The following SLC4A10 variants were observed in gnomAD, a reference collection of about 807,000 sequenced individuals.
SLC4A10 encodes solute carrier family 4 member 10.
SLC4A10 carries 42 observed loss-of-function variants against 137.7 expected under a neutral mutation model. The observed-to-expected ratio is 0.30, with a 90% CI of 0.24 to 0.39. SLC4A10 has a LOEUF of 0.39. Among genes scored for constraint, SLC4A10 ranks in the 10% least tolerant of loss-of-function variants. SLC4A10 has a pLI of 1.00. For missense variants in SLC4A10, 925 were observed against 1,355.0 expected, an observed-to-expected ratio of 0.68 and a Z score of 4.98; for synonymous variants, 474 against 464.1, an observed-to-expected ratio of 1.02 and a Z score of -0.27.
At chr2:161,877,015 AG>A in intron 8 of SLC4A10, among the ~76,000 whole-genome samples, 2 of 152,236 alleles carry the variant, frequency 1.3e-5, no homozygotes, top group Admixed American at 1.3e-4. Context: ...TCTAAATAAC[AG>A]GTATCAATGA....
chr2:161,873,530 C>CAAAAAAAAAAAAAA (rs759717096), intron 7 of SLC4A10, among the ~76,000 whole-genome samples: 1 of 17,326 alleles, frequency 5.8e-5, no homozygotes. Context: ...GACCACATCT[C>CAAAAAAAAAAAAAA]AAAAAAAAAA....
intron 2 of SLC4A10, among the ~76,000 whole-genome samples, chr2:161,802,101 G>A (rs1411431533): frequency 1.3e-5 from 2 of 151,988 alleles, no homozygotes; most frequent in East Asian, 3.9e-4. Flanking sequence ...TCTATAATCA[G>A]GTACTTGAAC....
chr2:161,793,180 G>T (rs143341282), intron 2 of SLC4A10, among the ~76,000 whole-genome samples: 350 of 152,062 alleles, frequency 2.3e-3, no homozygotes, highest in Non-Finnish European at 3.7e-3. Context: ...AGATAAAATT[G>T]TATGTATTTA....
At chr2:161,651,847 C>G (rs2036846403) in intron 1 of SLC4A10, among the ~76,000 whole-genome samples, 1 of 152,132 alleles carries the variant, frequency 6.6e-6, no homozygotes, top group African/African-American at 2.4e-5. Context: ...GGGATCCAGG[C>G]TGGTTGCGCA....
intron 2 of SLC4A10, 79 bp downstream of exon 2, chr2:161,771,133 T>C: frequency 9.4e-7 from 1 of 1,064,466 alleles, no homozygotes. Context: ...TGTCACATTG[T>C]GAAGAATTGC....
intron 1 of SLC4A10, among the ~76,000 whole-genome samples, chr2:161,646,988 G>T (rs2036145653): frequency 1.3e-5 from 2 of 151,968 alleles, no homozygotes; most frequent in South Asian, 4.1e-4. Flanking sequence ...TTCTAAAATA[G>T]GTACTATTCT....
chr2:161,741,658 T>G (rs2047910122), intron 1 of SLC4A10, among the ~76,000 whole-genome samples: 1 of 152,208 alleles, frequency 6.6e-6, no homozygotes, highest in Admixed American at 6.5e-5. Flanking sequence ...TGGCAGGATC[T>G]CCTTTAAATT....
At chr2:161,964,051 T>C (rs1697176169) in intron 21 of SLC4A10, 84 bp from the exon 22 acceptor site, 16 of 1,237,880 alleles carry the variant, frequency 1.3e-5, no homozygotes, top group Admixed American at 2.7e-5. Context: ...TAACCCAAAA[T>C]TGTGGACCAT....
intron 1 of SLC4A10, among the ~76,000 whole-genome samples, chr2:161,680,997 C>T (rs1245535640): frequency 6.6e-6 from 1 of 152,132 alleles, no homozygotes; most frequent in African/African-American, 2.4e-5. Context: ...TGAGATATAA[C>T]TTCAATTTAA....
chr2:161,708,193 C>T (rs2043895308), intron 1 of SLC4A10, among the ~76,000 whole-genome samples: 1 of 151,452 alleles, frequency 6.6e-6, no homozygotes, highest in African/African-American at 2.4e-5. Flanking sequence ...TTTAGGCACT[C>T]ATCATTTTGA....
intron 23 of SLC4A10, among the ~76,000 whole-genome samples, chr2:161,965,979 T>C (rs1559645568): frequency 6.6e-6 from 1 of 152,182 alleles, no homozygotes; most frequent in Non-Finnish European, 1.5e-5. Flanking sequence ...GAAATGAGAT[T>C]GAAATAAAAT....
intron 3 of SLC4A10, among the ~76,000 whole-genome samples, chr2:161,810,691 C>A (rs765734174): frequency 2.6e-5 from 4 of 151,928 alleles, no homozygotes; most frequent in Non-Finnish European, 5.9e-5. Context: ...TATGTCGAAC[C>A]AACCTTGCAT....
chr2:161,832,540 G>C (rs1373300804), intron 3 of SLC4A10, among the ~76,000 whole-genome samples: 1 of 152,184 alleles, frequency 6.6e-6, no homozygotes, highest in East Asian at 1.9e-4. Context: ...GCTCATTAAT[G>C]AGGAGGATTT....
intron 3 of SLC4A10, among the ~76,000 whole-genome samples, chr2:161,821,052 G>A (rs2057575960): frequency 6.6e-6 from 1 of 152,062 alleles, no homozygotes; most frequent in African/African-American, 2.4e-5. Flanking sequence ...GAGTAACTTT[G>A]CATATGCCTT....
chr2:161,634,259 G>C (rs911299375), intron 1 of SLC4A10, among the ~76,000 whole-genome samples: 22 of 151,868 alleles, frequency 1.4e-4, no homozygotes, highest in African/African-American at 5.1e-4. Context: ...TTAGATTGAG[G>C]TTATGCATTG....
intron 3 of SLC4A10, among the ~76,000 whole-genome samples, chr2:161,828,808 A>ATG (rs56676229): frequency 1.6e-5 from 2 of 122,530 alleles, no homozygotes; most frequent in African/African-American, 6.2e-5. Flanking sequence ...ATATATATAT[A>ATG]TGTATAATCT....
intron 2 of SLC4A10, among the ~76,000 whole-genome samples, chr2:161,776,193 A>T (rs2052309082): frequency 6.6e-6 from 1 of 151,866 alleles, no homozygotes; most frequent in Admixed American, 6.6e-5. Context: ...AAAGCAGCAG[A>T]ACTTGAGATG....
At chr2:161,769,283 C>G (rs1215717507) in intron 1 of SLC4A10, among the ~76,000 whole-genome samples, 1 of 151,912 alleles carries the variant, frequency 6.6e-6, no homozygotes, top group African/African-American at 2.4e-5. Flanking sequence ...CCCTTAATAT[C>G]CATTCCCACA....
At position 161,904,131 on chromosome 2, in the gene SLC4A10, G is replaced by A. The variant is rs775116534; in HGVS notation, c.1570G>A (p.Val524Ile). Residue 524 changes from valine (V) to isoleucine (I), a missense_variant, in exon 13 of 27, where the codon GTC (valine) becomes ATC (isoleucine). By Grantham distance (29) the Val-to-Ile change is conservative (BLOSUM62 3). Coordinates refer to ENST00000446997, the MANE Select transcript of SLC4A10 (RefSeq NM_001178015.2). ...LFLYCACMSP[V>I]ITFGGLLGEA... Reference sequence around the variant, plus strand: ...TCTCTACTGCGCGTGTATGTCTCCTGTCATCACGTTTGGAGGACTGCTGGG... The same window carrying A: ...TCTCTACTGCGCGTGTATGTCTCCTATCATCACGTTTGGAGGACTGCTGGG... 6.8e-6 allele frequency: 11 copies of A among 1,611,586 alleles called. No individual in the cohort carries two copies. Among genetic ancestry groups the A allele is most frequent in the Admixed American group, 1.7e-5 (1 of 59,662 alleles).
Sources: allele counts gnomAD v4.1 joint callset (sites outside exome capture counted in the v4.1 genomes callset), GRCh38; gene constraint gnomAD v4.1.1; transcripts MANE v1.5; gene names NCBI Gene and HGNC (gene_info 2026-07-23, HGNC 2026-07-21).